The following SURF2 variants were observed in gnomAD, a reference collection of about 807,000 sequenced individuals.
SURF2 encodes the protein surfeit 2, also known as surfeit locus protein 2.
A neutral mutation model predicts 26.2 loss-of-function variants in SURF2; 32 were observed. That is an observed-to-expected ratio of 1.22 (90% confidence interval 0.92 to 1.64). The LOEUF (loss-of-function observed/expected upper bound fraction) is 1.64, where lower values mean the gene tolerates loss of function less well. Ranked by LOEUF, SURF2 falls within the 40% of genes most tolerant of loss-of-function variation. The pLI is 0.00. For synonymous variants in SURF2, 173 were observed against 139.1 expected (o/e 1.24, Z -1.71); for missense variants, 415 against 341.6 (o/e 1.21, Z -1.69).
chr9:133,358,221 A>G (rs1056716687), intron 3 of SURF2, among the ~76,000 whole-genome samples: 5 of 151,948 alleles, frequency 3.3e-5, no homozygotes, highest in Admixed American at 2.0e-4. Flanking sequence ...CTGAGGCAAA[A>G]ATGTGTTGGC....
rs1302425504 is a variant in SURF2 at position 133,357,240 on chromosome 9, C to T, written c.233+172C>T. ...CCCAGCGGCGAGGCCTCTTGGTGAGCTCGTTTGCTCACCTGAGGTTTGTCC... is the reference window on the plus strand; with the variant it reads ...CCCAGCGGCGAGGCCTCTTGGTGAGTTCGTTTGCTCACCTGAGGTTTGTCC... On this transcript the variant is annotated intron_variant, in intron 2 of 5. Transcript: ENST00000371964. The T allele has an allele frequency of 4.0e-6, 3 of 753,092 alleles. No individual in the cohort carries two copies. The African/African-American group carries it at 5.5e-5, about 14-fold the overall frequency. The allele number at this position is 753,092 out of a possible 1,614,324, so 46.7% of individuals were successfully genotyped here.
chr9:133,360,016 G>A lies in SURF2; in HGVS notation c.404G>A (p.Arg135Lys), dbSNP rs2130046237. 1.2e-6 allele frequency: 2 copies of A among 1,614,084 alleles called. No individual in the cohort carries two copies. Among genetic ancestry groups the A allele is most frequent in the East Asian group, 4.5e-5 (2 of 44,880 alleles). ...TGCCTGGTGCACCGGAGGAGGAGGAGGGAGGACCAGATGGACGGTGACGGG... is the reference window on the plus strand; with the variant it reads ...TGCCTGGTGCACCGGAGGAGGAGGAAGGAGGACCAGATGGACGGTGACGGG... ...PACLVHRRRR[R>K]EDQMDGDGPR... is the part of the protein sequence containing the mutation. Residue 135 changes from arginine (R) to lysine (K), a missense_variant, in exon 4 of 6, where the codon AGG becomes AAG. Arg to Lys is a conservative substitution (Grantham distance 26). Coordinates refer to ENST00000371964, the MANE Select transcript of SURF2 (RefSeq NM_017503.5).
At chr9:133,359,418 A>ACAACGGTGGTGACTC in intron 3 of SURF2, among the ~76,000 whole-genome samples, 1 of 152,282 alleles carries the variant, frequency 6.6e-6, no homozygotes, top group East Asian at 1.9e-4. Context: ...ATACAAGGGG[A>ACAACGGTGGTGACTC]CAACGGTGGT....
intron 3 of SURF2, among the ~76,000 whole-genome samples, chr9:133,358,601 C>A (rs1312011717): frequency 6.6e-6 from 1 of 152,084 alleles, no homozygotes; most frequent in Non-Finnish European, 1.5e-5. Flanking sequence ...TCCTGAGCCC[C>A]AGGAAGAGGC....
At position 133,357,734 on chromosome 9, in the gene SURF2, C is replaced by T. The variant is rs201818719; in HGVS notation, c.257C>T (p.Thr86Ile). Residue 86 changes from threonine (T) to isoleucine (I), a missense_variant, in exon 3 of 6, where the codon ACC (threonine) becomes ATC (isoleucine). Coordinates refer to ENST00000371964, the MANE Select transcript of SURF2 (RefSeq NM_017503.5). ...KNPHQLFCKL[T>I]LRHINKCPEH... ...AGGCACCAGTTGTTCTGCAAACTCA[C>T]CCTGCGGCACATCAACAAGTGCCCA... is the stretch of plus-strand genomic sequence containing the variant. 23 of 1,613,704 alleles carry T rather than the reference C, an allele frequency of 1.4e-5. No individual in the cohort carries two copies. In the Admixed American group the frequency reaches 1.8e-4, roughly 13 times the overall value.
chr9:133,357,146 C>T, intron 2 of SURF2, 78 bp downstream of exon 2: 1 of 1,402,736 alleles, frequency 7.1e-7, no homozygotes, highest in Non-Finnish European at 9.3e-7. Context: ...AGTGCTGCAG[C>T]CCCTACTCTT....
chr9:133,360,337 A>G lies in SURF2; in HGVS notation c.590A>G (p.Lys197Arg), dbSNP rs141313898. Residue 197 changes from lysine to arginine, a missense_variant, in exon 5 of 6, where the codon AAA becomes AGA. Lys to Arg is a conservative substitution (Grantham distance 26). Coordinates refer to ENST00000371964, the MANE Select transcript of SURF2 (RefSeq NM_017503.5). Reference protein sequence around the residue: ...GDGTDDFLTDKEDEKAKPPRE... With the variant: ...GDGTDDFLTDREDEKAKPPRE... ...GGCACTGATGACTTTTTGACAGACA[A>G]AGAGGATGAGAAGGCAAAGCCCCCA... 1.9e-3 allele frequency: 3,042 copies of G among 1,614,146 alleles called. 2 individuals are homozygous for G. The highest frequency in any genetic ancestry group is 2.4e-3 in the Non-Finnish European group (2,820 of 1,180,016).
rs151190382 is a variant in SURF2 at position 133,357,941 on chromosome 9, T to C, written c.337+127T>C. On this transcript the variant is annotated intron_variant, in intron 3 of 5. Coordinates refer to ENST00000371964, the MANE Select transcript of SURF2 (RefSeq NM_017503.5). ...GTGTTGATGCATCAGGCCTGTTTTT[T>C]GGCACAGTGAAGAGAGGGATGATGG... 2.3e-3 allele frequency: 2,051 copies of C among 881,338 alleles called. 3 individuals are homozygous for C. The highest frequency in any genetic ancestry group is 2.8e-3 in the Non-Finnish European group (1,588 of 566,064). 54.6% of individuals were successfully genotyped at this position (881,338 alleles called of 1,614,324 possible).
Position 133,357,788 on chromosome 9 carries a change from G to A in SURF2, c.311G>A (p.Arg104Gln), listed in dbSNP as rs1238751212. The A allele has an allele frequency of 3.7e-6, 6 of 1,613,546 alleles. No homozygotes were observed. The highest frequency in any genetic ancestry group is 2.2e-5 in the South Asian group (2 of 91,086). ...PEHVLRHTQG[R>Q]RYQRALCKYE... ...CACGTGCTGAGGCACACCCAGGGCCGGCGGTACCAGCGAGCTCTGTGTAAA... is the reference window on the plus strand; with the variant it reads ...CACGTGCTGAGGCACACCCAGGGCCAGCGGTACCAGCGAGCTCTGTGTAAA... Residue 104 changes from arginine to glutamine, a missense_variant, in exon 3 of 6, where the codon CGG becomes CAG. Arg to Gln is a conservative substitution (Grantham distance 43). Transcript: ENST00000371964.
rs1588697737 is a variant in SURF2, at chr9:133,360,054, G to T, written c.442G>T (p.Glu148Ter). 6.2e-7 allele frequency: 1 copy of T among 1,614,090 alleles called. No homozygotes were observed. Among genetic ancestry groups the T allele is most frequent in the South Asian group, 1.1e-5 (1 of 91,076 alleles). Residue 148 changes from glutamate to a stop codon, truncating the protein, a stop_gained, in exon 4 of 6, where the codon GAA becomes TAA. Transcript: ENST00000371964. LOFTEE classifies it high-confidence loss of function. Reference sequence around the variant, plus strand: ...GGACGGTGACGGGCCTCGCCCGCGGGAAGCCTTCTGGGAGCCCACATCCAG... The same window carrying T: ...GGACGGTGACGGGCCTCGCCCGCGGTAAGCCTTCTGGGAGCCCACATCCAG... ...QMDGDGPRPR[E>*]AFWEPTSSDE...
At chr9:133,360,560 C>A in intron 5 of SURF2, 126 bp downstream of exon 5, 1 of 1,241,874 alleles carries the variant, frequency 8.1e-7, no homozygotes, top group Non-Finnish European at 1.1e-6. Context: ...ACACAAGAAC[C>A]ATAGAAGCCG....
rs2130046799 is a variant in SURF2 at position 133,360,044 on chromosome 9, T to C, written c.432T>C (p.Pro144=). The change falls in exon 4 of 6, where the codon CCT becomes CCC. Residue 144 remains proline (P), a synonymous_variant. Coordinates refer to ENST00000371964, the MANE Select transcript of SURF2 (RefSeq NM_017503.5). The part of the protein sequence containing the change: ...RREDQMDGDG[P]RPREAFWEPT... ...AGGACCAGATGGACGGTGACGGGCC[T>C]CGCCCGCGGGAAGCCTTCTGGGAGC... 6.2e-7 allele frequency: 1 copy of C among 1,613,978 alleles called. No individual in the cohort carries two copies. The highest frequency in any genetic ancestry group is 1.7e-5 in the Admixed American group (1 of 60,008).
chr9:133,359,424 GT>G (rs1836691942), intron 3 of SURF2, among the ~76,000 whole-genome samples: 1 of 152,198 alleles, frequency 6.6e-6, no homozygotes, highest in Non-Finnish European at 1.5e-5. Context: ...GGGGACAACG[GT>G]GGTGACTCCA....
intron 5 of SURF2, 113 bp from the exon 6 acceptor site, chr9:133,360,943 G>A: frequency 9.2e-7 from 1 of 1,087,648 alleles, no homozygotes; most frequent in South Asian, 1.3e-5. Context: ...AGCCTCTGTG[G>A]GTATTTGACC....
intron 3 of SURF2, 40 bp from the exon 4 acceptor site, chr9:133,359,910 G>A: frequency 6.4e-7 from 1 of 1,568,046 alleles, no homozygotes; most frequent in Non-Finnish European, 8.7e-7. Flanking sequence ...GGACCGTGGG[G>A]GGTGTGGAGG....
Position 133,357,712 on chromosome 9 carries a change from C to G in SURF2, c.235C>G (p.His79Asp). 6.2e-7 allele frequency: 1 copy of G among 1,613,748 alleles called. No individual in the cohort carries two copies. The highest frequency in any genetic ancestry group is 8.5e-7 in the Non-Finnish European group (1 of 1,179,988). Residue 79 changes from histidine (H) to aspartate (D), a missense_variant and splice_region_variant, in exon 3 of 6, where the codon CAC becomes GAC. His to Asp is a moderately conservative substitution (Grantham distance 81). Transcript: ENST00000371964. ...PHIVPSTKNPHQLFCKLTLRH... is the reference protein window; with the variant it reads ...PHIVPSTKNPDQLFCKLTLRH... ...AAATTTGGTCTCTCTGCTCTGTAGG[C>G]ACCAGTTGTTCTGCAAACTCACCCT...
chr9:133,357,457 C>A (rs1282265478), intron 2 of SURF2, among the ~76,000 whole-genome samples: 1 of 152,224 alleles, frequency 6.6e-6, no homozygotes, highest in East Asian at 1.9e-4. Flanking sequence ...TGGAGCCATC[C>A]TCTTGCATGA....
chr9:133,359,806 G>C, intron 3 of SURF2, 144 bp from the exon 4 acceptor site: 1 of 979,156 alleles, frequency 1.0e-6, no homozygotes, highest in Non-Finnish European at 1.5e-6. Flanking sequence ...GAACAGAGCT[G>C]AGGCACCCAG....
At chr9:133,358,068 C>T (rs1017064181) in intron 3 of SURF2, among the ~76,000 whole-genome samples, 9 of 151,848 alleles carry the variant, frequency 5.9e-5, no homozygotes, top group African/African-American at 1.7e-4. Flanking sequence ...AGAAACTGGG[C>T]GAGGGATGTG....
Sources: gnomAD v4.1 joint callset for allele counts (sites outside exome capture counted in the v4.1 genomes callset) on GRCh38, gnomAD v4.1.1 for gene constraint, MANE v1.5 for transcripts, NCBI Gene and HGNC (gene_info 2026-07-23, HGNC 2026-07-21) for gene names.